The following USP54 variants were observed in gnomAD, a reference collection of about 807,000 sequenced individuals.
The protein encoded by USP54 is ubiquitin specific peptidase 54.
Under a neutral mutation model 170.5 loss-of-function variants are expected in USP54, and 87 were observed. The observed-to-expected ratio is 0.51, with a 90% CI of 0.43 to 0.61. The LOEUF is 0.61. Ranked by LOEUF, USP54 falls within the 20% of genes least tolerant of loss-of-function variation. The probability of loss-of-function intolerance (pLI) is 0.00; values close to 1 mark genes in which losing one functional copy is unlikely to be tolerated. For missense variants in USP54, 1,786 were observed against 2,047.8 expected (o/e 0.87, Z 2.47); for synonymous variants, 655 against 742.8 (o/e 0.88, Z 1.92).
intron 19 of USP54, chr10:73,518,100 G>T: frequency 1.2e-6 from 1 of 854,242 alleles, no homozygotes; most frequent in Non-Finnish European, 1.4e-6. Context: ...AGTCTCACAT[G>T]CAGATGACAT....
At chr10:73,579,539 G>C (rs908950231) in intron 1 of USP54, among the ~76,000 whole-genome samples, 1 of 151,870 alleles carries the variant, frequency 6.6e-6, no homozygotes, top group Non-Finnish European at 1.5e-5. Context: ...TGGATCACTT[G>C]AGGTCAGGAG....
chr10:73,549,722 ATTGCAAGTTTCCT>A (rs901273814), intron 4 of USP54, among the ~76,000 whole-genome samples: 2 of 152,208 alleles, frequency 1.3e-5, no homozygotes, highest in African/African-American at 4.8e-5. Context: ...TCACTGGATA[ATTGCAAGTTTCCT>A]GACTGATCCC....
Position 73,620,612 on chromosome 10 carries a change from C to T in USP54, c.-18+4955G>A, listed in dbSNP as rs1467409167. Among the ~76,000 whole-genome samples, 5 of 148,068 alleles carry T rather than the reference C, an allele frequency of 3.4e-5. 1 individual carries two copies. The highest frequency in any genetic ancestry group is 5.2e-5 in the African/African-American group (2 of 38,588). ...TGCTGGGATTACAGACATAATCTCACGTAGATTTTTAAAGAAGCCATTTAC... is the reference window on the plus strand; with the variant it reads ...TGCTGGGATTACAGACATAATCTCATGTAGATTTTTAAAGAAGCCATTTAC... On this transcript the variant is annotated intron_variant, in intron 1 of 22. Transcript: ENST00000339859.
intron 22 of USP54, 60 bp downstream of exon 22, chr10:73,504,790 T>C: frequency 6.2e-7 from 1 of 1,610,460 alleles, no homozygotes; most frequent in Non-Finnish European, 8.5e-7. Context: ...TCACCTGCAC[T>C]GTATTTTTGC....
chr10:73,625,428 C>CA (rs1001062338), intron 1 of USP54: 11 of 152,192 alleles, frequency 7.2e-5, no homozygotes, highest in African/African-American at 2.7e-4. Context: ...ATTTAGGACC[C>CA]AGGTCCCGGC....
chr10:73,517,710 C>T lies in USP54; in HGVS notation c.2716G>A (p.Glu906Lys). The T allele has an allele frequency of 6.2e-7, 1 of 1,614,074 alleles. No homozygotes were observed. Residue 906 changes from glutamate (E) to lysine (K), a missense_variant, in exon 20 of 24, where the codon GAG (glutamate) becomes AAG (lysine). By Grantham distance (56) the Glu-to-Lys change is moderately conservative. Transcript: ENST00000687698. ...PIPLQVLLSQ[E>K]AQLESGMDTE... ...TCCATGCCGGATTCCAGTTGGGCCT[C>T]TTGGCTTAACAATACTTGGAGCGGG... is the stretch of plus-strand genomic sequence containing the variant.
chr10:73,550,113 C>T (rs1054897773), intron 4 of USP54, among the ~76,000 whole-genome samples: 2 of 152,076 alleles, frequency 1.3e-5, no homozygotes, highest in African/African-American at 2.4e-5. Context: ...TAGTAGAGGC[C>T]GGGTTTTGCT....
chr10:73,594,717 G>A (rs1432272879), upstream of USP54, among the ~76,000 whole-genome samples: 1 of 151,992 alleles, frequency 6.6e-6, no homozygotes, highest in Non-Finnish European at 1.5e-5. Flanking sequence ...CTGGGGAGAG[G>A]GGAAGCTTAA....
In USP54 at chr10:73,542,846, G is replaced by A. The variant is rs1334018959; in HGVS notation, c.529C>T (p.Pro177Ser). The stretch of plus-strand genomic sequence containing the variant: ...ATATAATGTACCATCTGGATGAAAG[G>A]CAGCGGATCAGAAGTGGCACCACAG... The part of the protein sequence containing the change: ...TSCGATSDPL[P>S]FIQMVHYIST... Residue 177 changes from proline to serine, a missense_variant, in exon 7 of 24, where the codon CCT (proline) becomes TCT (serine). Pro to Ser is a moderately conservative substitution (Grantham distance 74, BLOSUM62 -1). This residue lies in a region of USP54 where 361 missense variants were observed against 455.0 expected (regional missense o/e 0.79). Coordinates refer to ENST00000687698, the MANE Select transcript of USP54 (RefSeq NM_001391956.1). The A allele has an allele frequency of 2.5e-6, 4 of 1,614,086 alleles. No homozygotes were observed. Among genetic ancestry groups the A allele is most frequent in the Non-Finnish European group, 3.4e-6 (4 of 1,180,028 alleles).
intron 4 of USP54, among the ~76,000 whole-genome samples, chr10:73,557,986 G>C (rs2071626498): frequency 6.8e-6 from 1 of 147,094 alleles, no homozygotes; most frequent in Non-Finnish European, 1.5e-5. Context: ...GGGTTCAAGT[G>C]ATTCTCCTGT....
intron 1 of USP54, among the ~76,000 whole-genome samples, chr10:73,606,030 T>G (rs1002945632): frequency 1.3e-5 from 2 of 151,500 alleles, no homozygotes; most frequent in African/African-American, 4.9e-5. Flanking sequence ...ATACAAAAAT[T>G]AGCCAGGCGT....
In USP54 at chr10:73,517,341, T is replaced by C. The variant is rs755441843; in HGVS notation, c.3085A>G (p.Lys1029Glu). 2 of 1,612,118 alleles carry C rather than the reference T, an allele frequency of 1.2e-6. No individual in the cohort carries two copies. Among genetic ancestry groups the C allele is most frequent in the South Asian group, 1.1e-5 (1 of 90,870 alleles). The change falls in exon 20 of 24, where the codon AAG becomes GAG. Residue 1029 changes from lysine to glutamate, a missense_variant. Lys to Glu is a moderately conservative substitution (Grantham distance 56). Transcript: ENST00000687698. ...GGGGAGGGGTTAGCAGGATCCTTCTTTTCTTGGAACAGCTGTTCTTGAGCA... is the reference window on the plus strand; with the variant it reads ...GGGGAGGGGTTAGCAGGATCCTTCTCTTCTTGGAACAGCTGTTCTTGAGCA... The part of the protein sequence containing the change: ...GIAQEQLFQE[K>E]KDPANPSPVM...
At chr10:73,573,609 C>T (rs967195475) in intron 3 of USP54, among the ~76,000 whole-genome samples, 21 of 152,058 alleles carry the variant, frequency 1.4e-4, no homozygotes, top group Admixed American at 7.9e-4. Flanking sequence ...ACTAAAAGTA[C>T]AAAAATTAGC....
chr10:73,618,149 T>G lies in USP54; in HGVS notation c.-18+7418A>C, dbSNP rs908364917. 6.0e-5 allele frequency among the ~76,000 whole-genome samples: 9 copies of G among 149,106 alleles called. 1 individual carries two copies. Among genetic ancestry groups the G allele is most frequent in the African/African-American group, 2.3e-4 (9 of 38,974 alleles). On this transcript the variant is annotated intron_variant, in intron 1 of 22. Transcript: ENST00000339859. ...TTGCTTGAACCCGGGAGGCGGAGGT[T>G]GCAGTGAACCGAGATTGCGCCACTG...
Position 73,504,979 on chromosome 10 carries a change from G to C in USP54, c.4182C>G (p.Cys1394Trp). 6.2e-7 allele frequency: 1 copy of C among 1,614,080 alleles called. No homozygotes were observed. The highest frequency in any genetic ancestry group is 8.5e-7 in the Non-Finnish European group (1 of 1,180,014). Residue 1394 changes from cysteine (C) to tryptophan (W), a missense_variant, in exon 22 of 24, where the codon TGC (cysteine) becomes TGG (tryptophan). Cys to Trp is a radical substitution (Grantham distance 215). Coordinates refer to ENST00000687698, the MANE Select transcript of USP54 (RefSeq NM_001391956.1). ...RTVRTSQATP[C>W]RGLSRECGED... ...CCCCACACTCCCTGCTGAGGCCTCG[G>C]CAAGGTGTAGCCTTCAAACACACAG...
chr10:73,612,660 A>T (rs894298809), intron 1 of USP54, among the ~76,000 whole-genome samples: 1 of 151,908 alleles, frequency 6.6e-6, no homozygotes, highest in African/African-American at 2.4e-5. Flanking sequence ...TGGCCAACAT[A>T]GCAAAACCCA....
intron 1 of USP54, among the ~76,000 whole-genome samples, chr10:73,581,559 A>G (rs1235665782): frequency 6.6e-6 from 1 of 152,162 alleles, no homozygotes; most frequent in Non-Finnish European, 1.5e-5. Flanking sequence ...ATTTTCCTTA[A>G]AGGAGGCCCT....
intron 1 of USP54, among the ~76,000 whole-genome samples, chr10:73,621,941 C>T (rs967285984): frequency 5.9e-5 from 9 of 152,088 alleles, no homozygotes; most frequent in African/African-American, 1.7e-4. Context: ...AACAGATACC[C>T]CTATCCATTT....
At chr10:73,619,646 C>T (rs993267782) in intron 1 of USP54, among the ~76,000 whole-genome samples, 6 of 150,594 alleles carry the variant, frequency 4.0e-5, no homozygotes, top group Non-Finnish European at 7.3e-5. Context: ...TGTATTCCTC[C>T]ACTTTTTTCT....
Sources: allele counts gnomAD v4.1 joint callset (sites outside exome capture counted in the v4.1 genomes callset), GRCh38; gene constraint gnomAD v4.1.1; regional missense constraint gnomAD v4.1.1; transcripts MANE v1.5; gene names NCBI Gene and HGNC (gene_info 2026-07-23, HGNC 2026-07-21).